GNL3L: variants seen among roughly 807,000 people sequenced by gnomAD.
GNL3L encodes the protein G protein nucleolar 3 like.
GNL3L carries 4 observed loss-of-function variants against 42.9 expected under a neutral mutation model. The ratio of observed to expected loss-of-function variants is 0.09; its 90% CI spans 0.05 to 0.21. GNL3L has a LOEUF of 0.21. GNL3L is among the 10% of genes least tolerant of loss of function. The probability of loss-of-function intolerance (pLI) is 1.00; values close to 1 mark genes in which losing one functional copy is unlikely to be tolerated. For synonymous variants in GNL3L, 159 were observed against 176.3 expected, an observed-to-expected ratio of 0.90 and a Z score of 0.78; for missense variants, 412 against 481.7, an observed-to-expected ratio of 0.86 and a Z score of 1.36.
At chrX:54,607,058 TTCTTTC>T (rs1569542602) in intron 16 of GNL3L, among the ~76,000 whole-genome samples, 2 of 58,689 alleles carry the variant, frequency 3.4e-5, no homozygotes, top group African/African-American at 1.9e-4. Flanking sequence ...CTTTCTTTCT[TTCTTTC>T]TTTCTTTCTC....
intron 16 of GNL3L, among the ~76,000 whole-genome samples, chrX:54,585,001 C>G (rs1030560460): frequency 8.9e-6 from 1 of 111,892 alleles, no homozygotes; most frequent in Non-Finnish European, 1.9e-5. Context: ...TCAGGCTGGT[C>G]TCGAGCTCCT....
At chrX:54,593,454 G>A (rs1925893797) in intron 16 of GNL3L, among the ~76,000 whole-genome samples, 1 of 110,258 alleles carries the variant, frequency 9.1e-6, no homozygotes, top group Non-Finnish European at 1.9e-5. Flanking sequence ...AATTTCTGTG[G>A]TATCAGTTGT....
chrX:54,551,554 C>G lies in GNL3L; in HGVS notation c.864-14C>G. The G allele has an allele frequency of 1.3e-5, 16 of 1,203,229 alleles. No individual in the cohort carries two copies. Among genetic ancestry groups the G allele is most frequent in the South Asian group, 3.5e-5 (2 of 56,423 alleles). ...ATGCCAGGTACATCTGGGCTTTCTTCTTCCCCGCCCCAGATTCATGCAGGA... is the reference window on the plus strand; with the variant it reads ...ATGCCAGGTACATCTGGGCTTTCTTGTTCCCCGCCCCAGATTCATGCAGGA... On this transcript the variant is annotated splice_polypyrimidine_tract_variant and intron_variant, in intron 10 of 15. Coordinates refer to ENST00000360845, the MANE Select transcript of GNL3L (RefSeq NM_001184819.2).
chrX:54,551,462 T>A, intron 10 of GNL3L, 106 bp from the exon 11 acceptor site: 1 of 637,007 alleles, frequency 1.6e-6, no homozygotes, highest in Non-Finnish European at 2.5e-6. Context: ...TCGTCTCTAA[T>A]GCACCCTCCC....
intron 16 of GNL3L, among the ~76,000 whole-genome samples, chrX:54,616,128 A>G (rs2147537444): frequency 8.9e-6 from 1 of 112,583 alleles, no homozygotes; most frequent in Admixed American, 9.3e-5. Flanking sequence ...TGGATAGGCA[A>G]GAGGTGGTGA....
intron 5 of GNL3L, 57 bp from the exon 6 acceptor site, chrX:54,542,898 C>G (rs1235247080): frequency 1.4e-6 from 1 of 736,637 alleles, no homozygotes. Flanking sequence ...CCCTGCTTCT[C>G]TTTCTCGCTC....
intron 14 of GNL3L, among the ~76,000 whole-genome samples, chrX:54,556,874 G>T (rs1175449201): frequency 9.0e-6 from 1 of 111,122 alleles, no homozygotes; most frequent in Non-Finnish European, 1.9e-5. Context: ...TCTTTAGCCT[G>T]GTTGTTTCCT....
intron 3 of GNL3L, among the ~76,000 whole-genome samples, chrX:54,539,716 C>T (rs1924551273): frequency 9.0e-6 from 1 of 111,620 alleles, no homozygotes; most frequent in African/African-American, 3.3e-5. Flanking sequence ...CTAGCAAGTT[C>T]CCAGGTGCTG....
In GNL3L at chrX:54,605,573, T is replaced by C. The variant is rs186865402; in HGVS notation, c.*46-15272T>C. On this transcript the variant is annotated intron_variant, in intron 16 of 16. Transcript: ENST00000674498. ...TAACTGTGCTGATCTTAGAAACATT[T>C]CTTATGAGGCACTCAGATTCCTGCC... is the stretch of plus-strand genomic sequence containing the variant. 2.3e-3 allele frequency among the ~76,000 whole-genome samples: 252 copies of C among 111,918 alleles called. 2 individuals are homozygous for C. The highest frequency in any genetic ancestry group is 7.7e-3 in the African/African-American group (236 of 30,791).
intron 16 of GNL3L, among the ~76,000 whole-genome samples, chrX:54,614,753 C>T (rs1031823166): frequency 2.0e-4 from 22 of 111,531 alleles, no homozygotes; most frequent in African/African-American, 7.2e-4. Flanking sequence ...GCTGTTCGGG[C>T]GCTCACAGTA....
chrX:54,535,029 G>T (rs1569541899), intron 2 of GNL3L, among the ~76,000 whole-genome samples: 1 of 111,802 alleles, frequency 8.9e-6, no homozygotes, highest in East Asian at 2.8e-4. Context: ...GGTCTGTTTC[G>T]TGTTTATTTA....
chrX:54,624,120 A>G (rs938627852), downstream of GNL3L, among the ~76,000 whole-genome samples: 2 of 110,905 alleles, frequency 1.8e-5, no homozygotes, highest in Admixed American at 1.9e-4. Flanking sequence ...GGGGTTTTGC[A>G]GTGTTGCCCA....
intron 7 of GNL3L, 36 bp downstream of exon 7, chrX:54,543,378 G>T (rs1338958264): frequency 8.4e-7 from 1 of 1,191,869 alleles, no homozygotes; most frequent in Non-Finnish European, 1.1e-6. Flanking sequence ...GACAGGGAAG[G>T]TGGGCAGGCC....
chrX:54,628,363 C>T, the GNL3L span, among the ~76,000 whole-genome samples: 1 of 109,818 alleles, frequency 9.1e-6, no homozygotes, highest in African/African-American at 3.3e-5. Context: ...CATAGAGTGA[C>T]TTCTTTTCCT....
downstream of GNL3L, among the ~76,000 whole-genome samples, chrX:54,622,650 T>C (rs1926303360): frequency 9.0e-6 from 1 of 111,130 alleles, no homozygotes; most frequent in South Asian, 3.7e-4. Context: ...TTATAAATAT[T>C]TTCTTCCATT....
At chrX:54,630,330 T>C in the GNL3L span, among the ~76,000 whole-genome samples, 1 of 111,081 alleles carries the variant, frequency 9.0e-6, no homozygotes, top group African/African-American at 3.3e-5. Flanking sequence ...TGTAGTTCCT[T>C]GAGGTGTGAC....
chrX:54,558,391 T>C, intron 14 of GNL3L, 45 bp from the exon 15 acceptor site: 2 of 951,029 alleles, frequency 2.1e-6, no homozygotes, highest in Non-Finnish European at 3.0e-6. Context: ...TTGGAGGTTC[T>C]CTGGGGGTTA....
chrX:54,555,633 A>ATTTTTTTT (rs759334820), intron 14 of GNL3L, among the ~76,000 whole-genome samples: 1 of 66,380 alleles, frequency 1.5e-5, no homozygotes, highest in Non-Finnish European at 2.6e-5. Flanking sequence ...ACCATGCCTA[A>ATTTTTTTT]TTTTTTTTTT....
chrX:54,560,327 A>C (rs771266901), intron 15 of GNL3L, among the ~76,000 whole-genome samples, 193 bp from the exon 16 acceptor site: 43 of 111,928 alleles, frequency 3.8e-4, no homozygotes, highest in Non-Finnish European at 6.2e-4. Context: ...CATTTCACAG[A>C]TAGAAAAATG....
Sources: gnomAD v4.1 joint callset for allele counts (sites outside exome capture counted in the v4.1 genomes callset) on GRCh38, gnomAD v4.1.1 for gene constraint, MANE v1.5 for transcripts, NCBI Gene and HGNC (gene_info 2026-07-23, HGNC 2026-07-21) for gene names.